The following DDX25 variants were observed in gnomAD, a reference collection of about 807,000 sequenced individuals.
The protein encoded by DDX25 is DEAD-box helicase 25, also known as ATP-dependent RNA helicase DDX25.
A neutral mutation model predicts 64.6 loss-of-function variants in DDX25; 70 were observed. The ratio of observed to expected loss-of-function variants is 1.08; its 90% CI spans 0.89 to 1.32. The LOEUF is 1.32. Among genes scored for constraint, DDX25 ranks in the 40% most tolerant of loss-of-function variants. DDX25 has a pLI of 0.00. For missense variants in DDX25, 587 were observed against 604.4 expected (o/e 0.97, Z 0.30); for synonymous variants, 211 against 213.3 (o/e 0.99, Z 0.09).
chr11:125,925,157 A>C lies in DDX25; in HGVS notation c.*2276A>C. The C allele has an allele frequency of 3.7e-6, 1 of 273,178 alleles. No individual in the cohort carries two copies. Among genetic ancestry groups the C allele is most frequent in the African/African-American group, 2.2e-5 (1 of 45,298 alleles). 16.9% of individuals were successfully genotyped at this position (273,178 alleles called of 1,614,324 possible). A position where few individuals can be genotyped will look rare whatever the true frequency, so the allele number is the denominator to read the frequency against. On this transcript the variant is annotated 3_prime_UTR_variant, in exon 12 of 12. Transcript: ENST00000263576. ...ATTCGAGAATCGAGTTGGACCTTCC[A>C]CCGTGCTCAGCTCCGCCTTGGGGTG...
Position 125,925,339 on chromosome 11 carries a change from C to G in DDX25, c.*2458C>G, listed in dbSNP as rs2134288983. 2.2e-6 allele frequency: 1 copy of G among 450,002 alleles called. No individual in the cohort carries two copies. Among genetic ancestry groups the G allele is most frequent in the African/African-American group, 2.0e-5 (1 of 50,114 alleles). 27.9% of individuals were successfully genotyped at this position (450,002 alleles called of 1,614,324 possible). On this transcript the variant is annotated 3_prime_UTR_variant, in exon 12 of 12. Transcript: ENST00000263576. ...TTTTCTGCGTTCCCTTTTGCCCCCT[C>G]CTCACGTCCCTTTGTCTCACCACCT...
At chr11:125,904,665 G>T (rs1312890171) in intron 1 of DDX25, 85 bp downstream of exon 1, 2 of 1,390,340 alleles carry the variant, frequency 1.4e-6, no homozygotes, top group African/African-American at 1.5e-5. Context: ...GGGAGGGAGA[G>T]CCCGCGAGCG....
Position 125,924,567 on chromosome 11 carries a change from GA to G in DDX25, c.*1687del, listed in dbSNP as rs1945151510. 6.6e-6 allele frequency: 1 copy of G among 152,240 alleles called. No homozygotes were observed. 9.4% of individuals were successfully genotyped at this position (152,240 alleles called of 1,614,324 possible). ...TATTCAACTGTGCCTTCTCAGCATG[GA>G]CTTTGTACCACCCAGCAACTTTCTA... On this transcript the variant is annotated 3_prime_UTR_variant, in exon 12 of 12. Transcript: ENST00000263576.
chr11:125,921,300 CT>C lies in DDX25; in HGVS notation c.1314del (p.Phe438LeufsTer10). 6.2e-7 allele frequency: 1 copy of C among 1,613,692 alleles called. No individual in the cohort carries two copies. The highest frequency in any genetic ancestry group is 8.5e-7 in the Non-Finnish European group (1 of 1,179,810). On this transcript the variant is annotated frameshift_variant, in exon 11 of 12. Coordinates refer to ENST00000263576, the MANE Select transcript of DDX25 (RefSeq NM_013264.5). LOFTEE classifies it high-confidence loss of function. The surrounding 1 kb of genome is among the most constrained non-coding windows in gnomAD (Gnocchi z 4.1). ...TCCACCGCATAGGGCGGACGGGGCG[CT>C]TTGGGAAAAAAGGCCTTGCCTTCAA... ...YLHRIGRTGRFGKKGLAFNMI... is the reference protein window; with the variant it reads ...YLHRIGRTGRXGKKGLAFNMI...
intron 2 of DDX25, 70 bp from the exon 3 acceptor site, chr11:125,905,483 G>A (rs1944870985): frequency 6.7e-7 from 1 of 1,494,514 alleles, no homozygotes; most frequent in African/African-American, 1.4e-5. Flanking sequence ...AGAAAAAATT[G>A]AATAGCATGC....
rs1188584122 is a variant in DDX25 at position 125,911,366 on chromosome 11, C to T, written c.678C>T (p.Val226=). 4.3e-6 allele frequency: 7 copies of T among 1,613,702 alleles called. No homozygotes were observed. The highest frequency in any genetic ancestry group is 5.1e-6 in the Non-Finnish European group (6 of 1,179,842). ...TTATAATTGGCACTCCTGGGACTGT[C>T]CTAGATTGGTGTTTTAAACTAAAAT... The part of the protein sequence containing the change: ...KQIIIGTPGT[V]LDWCFKLKLI... The change falls in exon 8 of 12, where the codon GTC becomes GTT. Residue 226 remains valine, a synonymous_variant. Transcript: ENST00000263576.
Position 125,916,915 on chromosome 11 carries a change from A to T in DDX25, c.801-99A>T, listed in dbSNP as rs528678746. ...TCATTGCAGGCAGCACCTCACGTGG[A>T]ACAGGGGTGCGTGCAGCGGCTGATG... is the stretch of plus-strand genomic sequence containing the variant. On this transcript the variant is annotated intron_variant, in intron 8 of 11. Coordinates refer to ENST00000263576, the MANE Select transcript of DDX25 (RefSeq NM_013264.5). 3 of 1,189,146 alleles carry T rather than the reference A, an allele frequency of 2.5e-6. No individual in the cohort carries two copies. In the South Asian group the frequency reaches 4.4e-5, roughly 17 times the overall value. The allele number at this position is 1,189,146 out of a possible 1,614,324, so 73.7% of individuals were successfully genotyped here. A position where few individuals can be genotyped will look rare whatever the true frequency, so the allele number is the denominator to read the frequency against.
intron 1 of DDX25, 88 bp downstream of exon 1, chr11:125,904,668 C>T: frequency 7.3e-7 from 1 of 1,375,840 alleles, no homozygotes; most frequent in South Asian, 1.4e-5. Context: ...AGGGAGAGCC[C>T]GCGAGCGTTC....
At chr11:125,907,569 C>T (rs1400307121) in intron 4 of DDX25, among the ~76,000 whole-genome samples, 1 of 151,858 alleles carries the variant, frequency 6.6e-6, no homozygotes, top group African/African-American at 2.4e-5. Flanking sequence ...GGTCGCGCCA[C>T]TGCACTCCAG....
intron 4 of DDX25, among the ~76,000 whole-genome samples, chr11:125,907,586 C>A (rs922500034): frequency 2.9e-4 from 44 of 150,894 alleles, no homozygotes; most frequent in Admixed American, 5.3e-4. Context: ...CCAGCCTGGG[C>A]GACAGAGCAA....
chr11:125,921,173 G>T lies in DDX25; in HGVS notation c.1202-18G>T, dbSNP rs1422276029. On this transcript the variant is annotated intron_variant, in intron 10 of 11. Transcript: ENST00000263576. The surrounding 1 kb of genome is among the most constrained non-coding windows in gnomAD (Gnocchi z 4.1). ...GAGGAAAGCATTGCAGGACCCTACAGTGTTTTTCCTCTTCTAGGGATTGAT... is the reference window on the plus strand; with the variant it reads ...GAGGAAAGCATTGCAGGACCCTACATTGTTTTTCCTCTTCTAGGGATTGAT... The T allele has an allele frequency of 2.5e-6, 4 of 1,602,792 alleles. No homozygotes were observed. Among genetic ancestry groups the T allele is most frequent in the Non-Finnish European group, 3.4e-6 (4 of 1,174,898 alleles).
intron 9 of DDX25, among the ~76,000 whole-genome samples, chr11:125,918,208 G>A (rs978922444): frequency 6.6e-6 from 1 of 152,102 alleles, no homozygotes; most frequent in Non-Finnish European, 1.5e-5. Flanking sequence ...ATGAAATTAG[G>A]TTGCTACTTC....
intron 1 of DDX25, 116 bp from the exon 2 acceptor site, chr11:125,905,096 G>A: frequency 2.3e-6 from 2 of 879,674 alleles, no homozygotes; most frequent in Non-Finnish European, 3.6e-6. Flanking sequence ...ATATTGCAAA[G>A]GAAGCAATAC....
rs371058663 is a variant in DDX25 at position 125,907,465 on chromosome 11, A to G, written c.312-731A>G. On this transcript the variant is annotated intron_variant, in intron 4 of 11. Transcript: ENST00000263576. ...CTACTAAAAATACAAAAAATTAGCC[A>G]GGTGTGGTGGCGGGCGCCTGTAGTC... Among the ~76,000 whole-genome samples the G allele has an allele frequency of 7.5e-3, 1,137 of 152,112 alleles. 8 individuals carry two copies. Among genetic ancestry groups the G allele is most frequent in the Middle Eastern group, 0.014 (4 of 292 alleles).
Position 125,908,480 on chromosome 11 carries a change from A to G in DDX25, c.484A>G (p.Asn162Asp). 1 of 1,613,676 alleles carries G rather than the reference A, an allele frequency of 6.2e-7. No individual in the cohort carries two copies. Among genetic ancestry groups the G allele is most frequent in the Non-Finnish European group, 8.5e-7 (1 of 1,179,892 alleles). Residue 162 changes from asparagine (N) to aspartate (D), a missense_variant, in exon 6 of 12, where the codon AAT (asparagine) becomes GAT (aspartate). By Grantham distance (23) the Asn-to-Asp change is conservative. Transcript: ENST00000263576. ...AFVLAMLSRV[N>D]ALELFPQCLC... Reference sequence around the variant, plus strand: ...TGTGTTGGCAATGTTAAGCAGAGTTAATGCCTTGGAATTGTTCCCACAGGT... The same window carrying G: ...TGTGTTGGCAATGTTAAGCAGAGTTGATGCCTTGGAATTGTTCCCACAGGT...
In DDX25 at chr11:125,917,209, T is replaced by C. The variant is rs749756606; in HGVS notation, c.996T>C (p.Ile332=). ...ACAAATACCAAGCTCTGTGCAACATTTATGGCAGCATCACCATTGGTCAGG... is the reference window on the plus strand; with the variant it reads ...ACAAATACCAAGCTCTGTGCAACATCTATGGCAGCATCACCATTGGTCAGG... ...RKDKYQALCN[I]YGSITIGQAI... is the part of the protein sequence containing the mutation. Residue 332 remains isoleucine (I), a synonymous_variant, in exon 9 of 12, where the codon ATT becomes ATC. Transcript: ENST00000263576. The C allele has an allele frequency of 6.2e-7, 1 of 1,610,262 alleles. No individual in the cohort carries two copies. Among genetic ancestry groups the C allele is most frequent in the Non-Finnish European group, 8.5e-7 (1 of 1,178,512 alleles).
chr11:125,910,577 G>T, intron 7 of DDX25, 99 bp downstream of exon 7: 1 of 1,004,752 alleles, frequency 1.0e-6, no homozygotes, highest in East Asian at 2.4e-5. Context: ...TCTCTAAATG[G>T]GGGAAATAAT....
chr11:125,908,462 G>C lies in DDX25; in HGVS notation c.466G>C (p.Ala156Pro). The C allele has an allele frequency of 6.2e-7, 1 of 1,613,920 alleles. No individual in the cohort carries two copies. Among genetic ancestry groups the C allele is most frequent in the Non-Finnish European group, 8.5e-7 (1 of 1,179,896 alleles). The change falls in exon 6 of 12, where the codon GCA becomes CCA. Residue 156 changes from alanine to proline, a missense_variant. By Grantham distance (27) the Ala-to-Pro change is conservative. Transcript: ENST00000263576. ...AGGAAAGACAGCGGCATTTGTGTTG[G>C]CAATGTTAAGCAGAGTTAATGCCTT... The part of the protein sequence containing the change: ...GTGKTAAFVL[A>P]MLSRVNALEL...
rs920933339 is a variant in DDX25 at position 125,927,983 on chromosome 11, C to T, written c.*5102C>T. 15 of 152,284 alleles carry T rather than the reference C, an allele frequency of 9.9e-5. No individual in the cohort carries two copies. Among genetic ancestry groups the T allele is most frequent in the Non-Finnish European group, 1.8e-4 (12 of 68,020 alleles). 9.4% of individuals were successfully genotyped at this position (152,284 alleles called of 1,614,324 possible). On this transcript the variant is annotated 3_prime_UTR_variant, in exon 12 of 12. Transcript: ENST00000263576. ...GCTTTGCACAAAAGAAGATTGTTTT[C>T]CACAAATGAAAATGGGGTGGTTAAC...
Sources: gnomAD v4.1 joint callset for allele counts (sites outside exome capture counted in the v4.1 genomes callset) on GRCh38, gnomAD v4.1.1 for gene constraint, Gnocchi (gnomAD v3.1) non-coding constraint, MANE v1.5 for transcripts, NCBI Gene and HGNC (gene_info 2026-07-23, HGNC 2026-07-21) for gene names.